The following FBXL13 variants were observed in gnomAD, a reference collection of about 807,000 sequenced individuals.
The protein encoded by FBXL13 is F-box and leucine rich repeat protein 13, also known as F-box and leucine-rich repeat protein 13.
FBXL13 carries 67 observed loss-of-function variants against 83.6 expected under a neutral mutation model. The observed-to-expected ratio is 0.80, with a 90% confidence interval of 0.66 to 0.98. FBXL13 has a LOEUF of 0.98. FBXL13 is among the 50% of genes least tolerant of loss of function. The pLI is 0.00. For synonymous variants in FBXL13, 272 were observed against 299.5 expected (o/e 0.91, Z 0.95); for missense variants, 822 against 866.5 (o/e 0.95, Z 0.64).
At chr7:102,919,449 C>T (rs1816557164) in intron 10 of FBXL13, among the ~76,000 whole-genome samples, 1 of 152,040 alleles carries the variant, frequency 6.6e-6, no homozygotes, top group African/African-American at 2.4e-5. Context: ...CCTTCCCTAG[C>T]TGAGAAAAAA....
intron 11 of FBXL13, 45 bp downstream of exon 12, chr7:102,913,041 G>A (rs750891342): frequency 1.2e-6 from 2 of 1,613,220 alleles, no homozygotes; most frequent in Admixed American, 3.3e-5. Flanking sequence ...ATTCTCTGGA[G>A]AACTTCCTCA....
At chr7:103,049,829 A>G (rs1264837903) in intron 2 of FBXL13, among the ~76,000 whole-genome samples, 2 of 152,200 alleles carry the variant, frequency 1.3e-5, no homozygotes, top group Non-Finnish European at 2.9e-5. Flanking sequence ...GTAACCTCAC[A>G]GGTGCTCTGA....
intron 2 of FBXL13, among the ~76,000 whole-genome samples, chr7:103,054,063 C>T (rs545255345): frequency 5.1e-4 from 77 of 152,220 alleles, no homozygotes; most frequent in African/African-American, 1.8e-3. Flanking sequence ...ACTCCAAGTC[C>T]TGCCTGGACC....
intron 6 of FBXL13, among the ~76,000 whole-genome samples, chr7:102,994,796 C>T (rs1829926395): frequency 6.6e-6 from 1 of 152,154 alleles, no homozygotes; most frequent in Admixed American, 6.5e-5. Flanking sequence ...GCAGGCTACA[C>T]TCTATTGGTT....
intron 7 of FBXL13, among the ~76,000 whole-genome samples, chr7:102,966,960 T>A (rs749717511): frequency 2.5e-4 from 38 of 152,026 alleles, no homozygotes; most frequent in Non-Finnish European, 4.9e-4. Flanking sequence ...ATCCTTGTAA[T>A]CCTGTTTTGG....
At chr7:102,920,415 A>G (rs1010653946) in intron 10 of FBXL13, among the ~76,000 whole-genome samples, 8 of 152,112 alleles carry the variant, frequency 5.3e-5, no homozygotes, top group Admixed American at 6.5e-5. Flanking sequence ...TCACAGCACA[A>G]TCATGACTCA....
chr7:102,961,804 TC>T (rs1326223505), intron 8 of FBXL13, among the ~76,000 whole-genome samples: 2 of 136,318 alleles, frequency 1.5e-5, no homozygotes, highest in Non-Finnish European at 3.1e-5. Context: ...TGAAACTGGA[TC>T]CCTTCCTTAC....
At chr7:102,929,737 G>A (rs369598040) in intron 9 of FBXL13, among the ~76,000 whole-genome samples, 25 of 151,892 alleles carry the variant, frequency 1.6e-4, no homozygotes, top group East Asian at 1.4e-3. Flanking sequence ...GCATAGGGCC[G>A]GGGGTTGAGA....
intron 17 of FBXL13, among the ~76,000 whole-genome samples, chr7:102,835,616 T>TG (rs903948693): frequency 3.9e-4 from 37 of 96,058 alleles, no homozygotes; most frequent in Non-Finnish European, 6.5e-4. Flanking sequence ...TTTTTTTTTT[T>TG]TTTTTTTTTT....
intron 19 of FBXL13, among the ~76,000 whole-genome samples, chr7:102,814,832 T>C (rs6946773): frequency 0.19 from 29,638 of 152,216 alleles, 3,431 homozygotes; most frequent in East Asian, 0.59. Flanking sequence ...AATCTTTTTT[T>C]AAGGTGCTAG....
intron 1 of FBXL13, among the ~76,000 whole-genome samples, chr7:103,063,712 C>CTTTTTTT (rs34739663): frequency 1.9e-4 from 19 of 101,692 alleles, no homozygotes; most frequent in Non-Finnish European, 2.5e-4. Flanking sequence ...CAAACTTAGG[C>CTTTTTTT]TTTTTTTTTT....
chr7:102,812,994 C>T (rs555014194), downstream of FBXL13, among the ~76,000 whole-genome samples: 2 of 152,006 alleles, frequency 1.3e-5, no homozygotes, highest in Non-Finnish European at 2.9e-5. Flanking sequence ...AGGCGCCCAC[C>T]ACCACACCCG....
intron 6 of FBXL13, among the ~76,000 whole-genome samples, chr7:103,011,569 C>A (rs1022180167): frequency 6.7e-6 from 1 of 148,548 alleles, no homozygotes; most frequent in Non-Finnish European, 1.5e-5. Flanking sequence ...ACCCGGGAGG[C>A]AGAGGTTGCA....
At chr7:102,938,209 A>G (rs560519074) in intron 8 of FBXL13, among the ~76,000 whole-genome samples, 15 of 152,244 alleles carry the variant, frequency 9.9e-5, no homozygotes, top group South Asian at 2.1e-4. Flanking sequence ...TTAGCTTCAC[A>G]TTGACCAGAA....
At chr7:102,864,044 G>A (rs994098514) in intron 16 of FBXL13, among the ~76,000 whole-genome samples, 1 of 152,138 alleles carries the variant, frequency 6.6e-6, no homozygotes, top group African/African-American at 2.4e-5. Flanking sequence ...CCAGAGTTAT[G>A]TTTCTTGTGC....
chr7:102,908,557 G>C (rs1239046157), intron 11 of FBXL13, among the ~76,000 whole-genome samples: 2 of 152,194 alleles, frequency 1.3e-5, no homozygotes, highest in African/African-American at 4.8e-5. Context: ...TCTTGGGAAG[G>C]CCTTCCAGAT....
chr7:102,901,210 T>G (rs1444244648), intron 11 of FBXL13, among the ~76,000 whole-genome samples: 1 of 152,246 alleles, frequency 6.6e-6, no homozygotes, highest in African/African-American at 2.4e-5. Flanking sequence ...CTCCAAAATT[T>G]TACATATTGG....
intron 17 of FBXL13, among the ~76,000 whole-genome samples, chr7:102,845,270 C>T (rs1803734061): frequency 6.6e-6 from 1 of 152,114 alleles, no homozygotes; most frequent in Non-Finnish European, 1.5e-5. Flanking sequence ...ACAGAAGATA[C>T]ACCCAGGAAA....
intron 1 of FBXL13, among the ~76,000 whole-genome samples, chr7:103,068,751 C>T (rs1272183570): frequency 6.6e-6 from 1 of 152,116 alleles, no homozygotes; most frequent in African/African-American, 2.4e-5. Flanking sequence ...ACTTGAGGTG[C>T]CCCAAGTGTG....
Sources: allele counts gnomAD v4.1 joint callset (sites outside exome capture counted in the v4.1 genomes callset), GRCh38; gene constraint gnomAD v4.1.1; transcripts MANE v1.5; gene names NCBI Gene and HGNC (gene_info 2026-07-23, HGNC 2026-07-21).